The following TAF6 variants were observed in gnomAD, a reference collection of about 807,000 sequenced individuals.
TAF6 encodes TATA-box binding protein associated factor 6.
Under a neutral mutation model 73.5 loss-of-function variants are expected in TAF6, and 50 were observed. The ratio of observed to expected loss-of-function variants is 0.68; its 90% CI spans 0.54 to 0.86. The LOEUF (loss-of-function observed/expected upper bound fraction) is 0.86, where lower values mean the gene tolerates loss of function less well. TAF6 is among the 40% of genes least tolerant of loss of function. The pLI is 0.00. For synonymous variants in TAF6, 424 were observed against 376.7 expected (o/e 1.13, Z -1.45); for missense variants, 768 against 899.5 (o/e 0.85, Z 1.87).
In TAF6 at chr7:100,113,848, C is replaced by A. The variant is rs576092188; in HGVS notation, c.243+20G>T. On this transcript the variant is annotated intron_variant, in intron 3 of 14. Transcript: ENST00000453269. ...GAAGGATGGCGTCTCACCCCCCCCCCGCCTGTCTCCCCAAATCACCTCGAC... is the reference window on the plus strand; with the variant it reads ...GAAGGATGGCGTCTCACCCCCCCCCAGCCTGTCTCCCCAAATCACCTCGAC... 1.8e-5 allele frequency: 29 copies of A among 1,606,750 alleles called. No homozygotes were observed. The highest frequency in any genetic ancestry group is 2.4e-5 in the Non-Finnish European group (28 of 1,176,486).
rs199843455 is a variant in TAF6 at position 100,107,347 on chromosome 7, C to G, written c.1933G>C (p.Gly645Arg). ...CTGTCCCCAGCCTCCTGCTTCCCCC[C>G]ACAAAGGGCACTGCCGCTGAGTGGG... is the stretch of plus-strand genomic sequence containing the variant. ...PSPLSGSALC[G>R]GKQEAGDSPP... is the part of the protein sequence containing the mutation. The change falls in exon 15 of 15, where the codon GGG (glycine) becomes CGG (arginine). Residue 645 changes from glycine to arginine, a missense_variant. Around this residue, in one of 5 missense-constraint regions of TAF6, gnomAD observed 350 missense variants for 352.3 expected, o/e 0.99. Transcript: ENST00000453269. 12 of 1,553,170 alleles carry G rather than the reference C, an allele frequency of 7.7e-6. No homozygotes were observed. In the Admixed American group the frequency reaches 1.6e-4, roughly 20 times the overall value.
chr7:100,119,696 T>C, upstream of TAF6: 1 of 1,613,872 alleles, frequency 6.2e-7, no homozygotes, highest in South Asian at 1.1e-5. Flanking sequence ...CCACACTACC[T>C]TCCCGAAGTT....
Position 100,107,518 on chromosome 7 carries a change from C to G in TAF6, c.1762G>C (p.Ala588Pro), listed in dbSNP as rs560508346. The G allele has an allele frequency of 3.1e-6, 5 of 1,613,910 alleles. No individual in the cohort carries two copies. The African/African-American group carries it at 6.7e-5, about 22-fold the overall frequency. ...GCAGTGCTGGGGGGTGCGGTGGTGG[C>G]GGTGGAGACCAACTTGACGATGGGC... ...VQPIVKLVST[A>P]TTAPPSTAPS... The change falls in exon 15 of 15, where the codon GCC becomes CCC. Residue 588 changes from alanine (A) to proline (P), a missense_variant. Transcript: ENST00000453269.
chr7:100,113,204 T>G, intron 5 of TAF6, 145 bp downstream of exon 5: 1 of 846,534 alleles, frequency 1.2e-6, no homozygotes, highest in Non-Finnish European at 1.8e-6. Context: ...AGGCACAGGT[T>G]TGCAGTGAGC....
In TAF6 at chr7:100,119,292, G is replaced by A; in HGVS notation, c.-148C>T. On this transcript the variant is annotated 5_prime_UTR_variant, in exon 1 of 15. Transcript: ENST00000453269. ...CGCCCCCGCCACCCGAGCGCGGGGA[G>A]CAGGAAAACTCTAGCGGCAGCCGAG... 1 of 1,024,660 alleles carries A rather than the reference G, an allele frequency of 9.8e-7. No individual in the cohort carries two copies. Among genetic ancestry groups the A allele is most frequent in the Non-Finnish European group, 1.2e-6 (1 of 851,898 alleles). 63.5% of individuals were successfully genotyped at this position (1,024,660 alleles called of 1,614,324 possible). A position where few individuals can be genotyped will look rare whatever the true frequency, so the allele number is the denominator to read the frequency against.
chr7:100,125,873 G>GT, the TAF6 span, among the ~76,000 whole-genome samples: 13 of 152,056 alleles, frequency 8.5e-5, no homozygotes, highest in South Asian at 2.7e-3. Context: ...GAGAAACCTC[G>GT]TCTCTACCAA....
rs767243179 is a variant in TAF6, at chr7:100,111,765, G to A, written c.863C>T (p.Ala288Val). ...LLIYLMRMVK[A>V]LMDNPTLYLE... Reference sequence around the variant, plus strand: ...ATAGAGCGTGGGGTTGTCCATCAGCGCTTTCACCATACGCATCAGGTAGAT... The same window carrying A: ...ATAGAGCGTGGGGTTGTCCATCAGCACTTTCACCATACGCATCAGGTAGAT... Residue 288 changes from alanine (A) to valine (V), a missense_variant, in exon 9 of 15, where the codon GCG (alanine) becomes GTG (valine). Transcript: ENST00000453269. The A allele has an allele frequency of 3.7e-6, 6 of 1,614,190 alleles. No individual in the cohort carries two copies. The highest frequency in any genetic ancestry group is 2.2e-5 in the East Asian group (1 of 44,890).
At chr7:100,111,629 G>C in intron 9 of TAF6, 99 bp downstream of exon 9, 1 of 1,305,970 alleles carries the variant, frequency 7.7e-7, no homozygotes, top group Non-Finnish European at 1.1e-6. Context: ...TCCCAAAGTT[G>C]CTGGGATTTC....
At chr7:100,121,842 T>A (rs532733604), upstream of TAF6, among the ~76,000 whole-genome samples, 52 of 151,172 alleles carry the variant, frequency 3.4e-4, no homozygotes, top group Admixed American at 9.2e-4. Context: ...CAAGGTCAGC[T>A]GATCGAGACC....
chr7:100,124,449 A>G (rs1485301697), upstream of TAF6: 8 of 1,289,372 alleles, frequency 6.2e-6, no homozygotes, highest in East Asian at 1.9e-4. Flanking sequence ...GAGCAGGGAG[A>G]GAAGACAGGC....
Position 100,110,062 on chromosome 7 carries a change from A to T in TAF6, c.1170T>A (p.Thr390=), listed in dbSNP as rs1242191643. Residue 390 remains threonine (T), a synonymous_variant, in exon 12 of 15, where the codon ACT becomes ACA. Coordinates refer to ENST00000453269, the MANE Select transcript of TAF6 (RefSeq NM_139315.3). Reference sequence around the variant, plus strand: ...CCTGCTGCAGCCGGGGCAGAATCAGAGTCTTGATAACCTGTTAGAAGGGAA... The same window carrying T: ...CCTGCTGCAGCCGGGGCAGAATCAGTGTCTTGATAACCTGTTAGAAGGGAA... ...LAELGHDVIK[T]LILPRLQQEG... 4.3e-6 allele frequency: 7 copies of T among 1,614,018 alleles called. No individual in the cohort carries two copies. The highest frequency in any genetic ancestry group is 5.9e-6 in the Non-Finnish European group (7 of 1,180,000).
Position 100,112,233 on chromosome 7 carries a change from G to T in TAF6, c.595C>A (p.Pro199Thr), listed in dbSNP as rs1797249104. The T allele has an allele frequency of 1.2e-6, 2 of 1,613,760 alleles. No homozygotes were observed. Among genetic ancestry groups the T allele is most frequent in the East Asian group, 2.2e-5 (1 of 44,872 alleles). ...DGKGKEKKAP[P>T]LLEGAPLRLK... ...CGCAAGGGGGCCCCCTCCAGCAAGG[G>T]CGGCGCCTTCTTCTCTTTCCCTGTG... Residue 199 changes from proline to threonine, a missense_variant, in exon 7 of 15, where the codon CCC becomes ACC. Around this residue, in one of 5 missense-constraint regions of TAF6, gnomAD observed 269 missense variants for 268.0 expected, o/e 1.00. Transcript: ENST00000453269.
At chr7:100,119,862 G>C, upstream of TAF6, 2 of 1,611,170 alleles carry the variant, frequency 1.2e-6, no homozygotes, top group Non-Finnish European at 1.7e-6. Flanking sequence ...CAAATGCGAA[G>C]GTATTTGAAG....
At chr7:100,122,697 CAGT>C, upstream of TAF6, 2 of 1,542,074 alleles carry the variant, frequency 1.3e-6, no homozygotes, top group South Asian at 2.4e-5. Flanking sequence ...CTTGAATCTC[CAGT>C]AGTTGACAAA....
Position 100,114,172 on chromosome 7 carries a change from AC to A in TAF6, c.37del (p.Val13CysfsTer7). On this transcript the variant is annotated frameshift_variant, in exon 2 of 15. Transcript: ENST00000453269. LOFTEE classifies it high-confidence loss of function. ...CACCTTCATGGACTCCGAGGGCAGC[AC>A]AGTGTTGCTAAGCTTCAGCTTCTTC... Reference protein sequence around the residue: ...EEKKLKLSNTVLPSESMKVVA... With the variant: ...EEKKLKLSNTXLPSESMKVVA... 4 of 1,614,236 alleles carry A rather than the reference AC, an allele frequency of 2.5e-6. No individual in the cohort carries two copies. Among genetic ancestry groups the A allele is most frequent in the Non-Finnish European group, 3.4e-6 (4 of 1,180,044 alleles).
intron 5 of TAF6, 25 bp from the exon 6 acceptor site, chr7:100,112,942 G>C (rs768783833): frequency 2.5e-6 from 4 of 1,594,850 alleles, no homozygotes; most frequent in Middle Eastern, 1.7e-4. Flanking sequence ...GGCACAGCGG[G>C]AGGGGTGATG....
chr7:100,107,507 TGCGGTGGTG>T lies in TAF6; in HGVS notation c.1764_1772del (p.Thr589_Ala591del). The T allele has an allele frequency of 2.5e-6, 4 of 1,612,888 alleles. No homozygotes were observed. Among genetic ancestry groups the T allele is most frequent in the Non-Finnish European group, 3.4e-6 (4 of 1,179,720 alleles). On this transcript the variant is annotated inframe_deletion, in exon 15 of 15. Coordinates refer to ENST00000453269, the MANE Select transcript of TAF6 (RefSeq NM_139315.3). Reference sequence around the variant, plus strand: ...GACCAGAGGGAGCAGTGCTGGGGGGTGCGGTGGTGGCGGTGGAGACCAACTTGACGATGG... The same window carrying T: ...GACCAGAGGGAGCAGTGCTGGGGGGTGCGGTGGAGACCAACTTGACGATGG...
rs4134915 is a variant in TAF6, at chr7:100,110,698, C to G, written c.1084-424G>C. ...TGGCGGCACATGCCTGTAATCCCAG[C>G]TACTCGGGAGGCTGAGGCAGGAGAA... On this transcript the variant is annotated intron_variant, in intron 10 of 14. Transcript: ENST00000453269. Among the ~76,000 whole-genome samples the G allele has an allele frequency of 2.5e-3, 381 of 152,316 alleles. 2 individuals are homozygous for G. Among genetic ancestry groups the G allele is most frequent in the African/African-American group, 8.9e-3 (370 of 41,564 alleles).
At position 100,113,720 on chromosome 7, in the gene TAF6, G is replaced by C; in HGVS notation, c.293C>G (p.Ser98Cys). The part of the protein sequence containing the change: ...AQEFIPFRFA[S>C]GGGRELYFYE... ...GAAGTAAAGCTCCCGGCCCCCACCA[G>C]AGGCGAAGCGGAAAGGAATGAACTC... is the stretch of plus-strand genomic sequence containing the variant. Residue 98 changes from serine to cysteine, a missense_variant, in exon 4 of 15, where the codon TCT (serine) becomes TGT (cysteine). By Grantham distance (112) the Ser-to-Cys change is moderately radical. Transcript: ENST00000453269. The C allele has an allele frequency of 5.6e-6, 9 of 1,614,108 alleles. No individual in the cohort carries two copies. The highest frequency in any genetic ancestry group is 6.8e-6 in the Non-Finnish European group (8 of 1,180,018).
Sources: allele counts gnomAD v4.1 joint callset (sites outside exome capture counted in the v4.1 genomes callset), GRCh38; gene constraint gnomAD v4.1.1; regional missense constraint gnomAD v4.1.1; transcripts MANE v1.5; gene names NCBI Gene and HGNC (gene_info 2026-07-23, HGNC 2026-07-21).